Variants in TRAF3 observed in about 807,000 individuals in gnomAD.
The protein encoded by TRAF3 is TNF receptor associated factor 3.
TRAF3 carries 13 observed loss-of-function variants against 62.3 expected under a neutral mutation model. The observed-to-expected ratio is 0.21, with a 90% confidence interval of 0.14 to 0.33. The LOEUF is 0.33. TRAF3 is among the 10% of genes least tolerant of loss of function. The pLI is 1.00. For synonymous variants in TRAF3, 269 were observed against 283.4 expected, an observed-to-expected ratio of 0.95 and a Z score of 0.51; for missense variants, 440 against 741.8, an observed-to-expected ratio of 0.59 and a Z score of 4.73.
At chr14:102,787,828 T>C (rs939062316) in intron 1 of TRAF3, among the ~76,000 whole-genome samples, 3 of 151,212 alleles carry the variant, frequency 2.0e-5, no homozygotes, top group African/African-American at 7.3e-5. Context: ...TTTTTTTCCA[T>C]AGCAGAAAAT....
chr14:102,895,780 G>T (rs1889976131), intron 9 of TRAF3, among the ~76,000 whole-genome samples: 1 of 152,194 alleles, frequency 6.6e-6, no homozygotes, highest in Non-Finnish European at 1.5e-5. Flanking sequence ...CTTTCAGAAA[G>T]ATTTTGGAAA....
chr14:102,889,456 C>A, intron 7 of TRAF3, 104 bp from the exon 8 acceptor site: 1 of 1,191,638 alleles, frequency 8.4e-7, no homozygotes, highest in Non-Finnish European at 1.2e-6. Context: ...TAGCGATAAA[C>A]ACCATTCTTA....
chr14:102,848,447 C>A (rs1189726120), intron 2 of TRAF3, among the ~76,000 whole-genome samples: 1 of 152,088 alleles, frequency 6.6e-6, no homozygotes, highest in Non-Finnish European at 1.5e-5. Flanking sequence ...TAATAATAAT[C>A]TTTCATATGT....
chr14:102,896,898 T>TA (rs1212841620), intron 9 of TRAF3, among the ~76,000 whole-genome samples: 4 of 152,146 alleles, frequency 2.6e-5, no homozygotes, highest in African/African-American at 9.7e-5. Context: ...ACCCTATCTC[T>TA]AAAAAAATTA....
chr14:102,864,998 G>A (rs1887899986), intron 2 of TRAF3, among the ~76,000 whole-genome samples: 2 of 152,192 alleles, frequency 1.3e-5, no homozygotes, highest in Admixed American at 1.3e-4. Context: ...CTCAGGACAG[G>A]ACAGGTAAGT....
At chr14:102,807,379 C>T (rs1308319230) in intron 1 of TRAF3, among the ~76,000 whole-genome samples, 3 of 152,194 alleles carry the variant, frequency 2.0e-5, no homozygotes, top group Non-Finnish European at 2.9e-5. Context: ...CTCTCCATGC[C>T]TGCACCTGGA....
In TRAF3 at chr14:102,858,864, C is replaced by CTATTAAT. The variant is rs1595368690; in HGVS notation, c.-17-11320_-17-11314dup. On this transcript the variant is annotated intron_variant, in intron 2 of 11. Transcript: ENST00000392745. Reference sequence around the variant, plus strand: ...CAAATTTCACCATTGCATTAGTGTACTATTAATGTTAAACCCAATTCTTAA... The same window carrying CTATTAAT: ...CAAATTTCACCATTGCATTAGTGTACTATTAATTATTAATGTTAAACCCAATTCTTAA... Among the ~76,000 whole-genome samples, 5 of 152,238 alleles carry CTATTAAT rather than the reference C, an allele frequency of 3.3e-5. No individual in the cohort carries two copies. The East Asian group carries it at 9.6e-4, about 29-fold the overall frequency.
At chr14:102,872,087 G>A (rs1016833810) in intron 4 of TRAF3, 119 bp downstream of exon 4, 14 of 1,052,194 alleles carry the variant, frequency 1.3e-5, no homozygotes, top group Middle Eastern at 2.0e-4. Flanking sequence ...CAGCTGATGC[G>A]GCAGGCTCCC....
Position 102,908,408 on chromosome 14 carries a change from C to T in TRAF3, c.*2624C>T, listed in dbSNP as rs1890695535. On this transcript the variant is annotated 3_prime_UTR_variant, in exon 12 of 12. Transcript: ENST00000392745. Reference sequence around the variant, plus strand: ...CTCTGTTCTGAGTGTGTCTTCCTCTCATGTACTCAACACAGTGGGCAGCAG... The same window carrying T: ...CTCTGTTCTGAGTGTGTCTTCCTCTTATGTACTCAACACAGTGGGCAGCAG... 1 of 152,462 alleles carries T rather than the reference C, an allele frequency of 6.6e-6. No individual in the cohort carries two copies. The highest frequency in any genetic ancestry group is 2.1e-4 in the South Asian group (1 of 4,844). 9.4% of individuals were successfully genotyped at this position (152,462 alleles called of 1,614,324 possible).
At chr14:102,825,389 G>T (rs1347286155) in intron 1 of TRAF3, among the ~76,000 whole-genome samples, 1 of 152,246 alleles carries the variant, frequency 6.6e-6, no homozygotes, top group Non-Finnish European at 1.5e-5. Flanking sequence ...GAGGCAGTTG[G>T]AAGGGTCCTG....
chr14:102,801,870 G>C (rs569542363), intron 1 of TRAF3, among the ~76,000 whole-genome samples: 27 of 151,506 alleles, frequency 1.8e-4, no homozygotes, highest in Admixed American at 1.4e-3. Flanking sequence ...CAAAAAATTA[G>C]CCGGGCGTGG....
intron 1 of TRAF3, among the ~76,000 whole-genome samples, chr14:102,789,399 G>A (rs1051505200): frequency 3.9e-5 from 6 of 152,078 alleles, no homozygotes; most frequent in African/African-American, 7.2e-5. Context: ...CTGGTCATAC[G>A]GTAATATCGT....
At position 102,908,850 on chromosome 14, in the gene TRAF3, C is replaced by G. The variant is rs534916660; in HGVS notation, c.*3066C>G. On this transcript the variant is annotated 3_prime_UTR_variant, in exon 12 of 12. Coordinates refer to ENST00000392745, the MANE Select transcript of TRAF3 (RefSeq NM_145725.3). ...CGTGGCTCGGGCTGCTCCCTGCTGC[C>G]AGGCACGCTGGTTGGCTGGCCTGGG... 2 of 152,292 alleles carry G rather than the reference C, an allele frequency of 1.3e-5. No individual in the cohort carries two copies. The highest frequency in any genetic ancestry group is 2.9e-5 in the Non-Finnish European group (2 of 68,058). The allele number at this position is 152,292 out of a possible 1,614,324, so 9.4% of individuals were successfully genotyped here. A position where few individuals can be genotyped will look rare whatever the true frequency, so the allele number is the denominator to read the frequency against.
intron 9 of TRAF3, chr14:102,894,931 G>A (rs1469056574): frequency 3.0e-6 from 1 of 335,746 alleles, no homozygotes; most frequent in African/African-American, 2.2e-5. Flanking sequence ...CAATTCCTTG[G>A]GCTCAAGTGG....
intron 2 of TRAF3, among the ~76,000 whole-genome samples, chr14:102,843,213 A>T (rs1023001356): frequency 6.6e-6 from 1 of 151,896 alleles, no homozygotes; most frequent in African/African-American, 2.4e-5. Flanking sequence ...AAAAAAAAAA[A>T]CCCAAAAACA....
In TRAF3 at chr14:102,827,084, G is replaced by A. The variant is rs1900363697; in HGVS notation, c.-156-3250G>A. 2.0e-5 allele frequency among the ~76,000 whole-genome samples: 3 copies of A among 152,344 alleles called. 1 individual carries two copies. The South Asian group carries it at 6.2e-4, about 32-fold the overall frequency. On this transcript the variant is annotated intron_variant, in intron 1 of 11. Coordinates refer to ENST00000392745, the MANE Select transcript of TRAF3 (RefSeq NM_145725.3). The stretch of plus-strand genomic sequence containing the variant: ...CCGCACCTGCTGAGGAATGTGTACA[G>A]CCATCTGGAGGGTGTTCTCCCCCTG...
chr14:102,804,434 T>C (rs1330834619), intron 1 of TRAF3, among the ~76,000 whole-genome samples: 2 of 152,200 alleles, frequency 1.3e-5, no homozygotes, highest in African/African-American at 2.4e-5. Context: ...GGACAGTGGA[T>C]GTGTGACTTG....
intron 7 of TRAF3, 22 bp downstream of exon 7, chr14:102,886,291 C>G (rs780990207): frequency 5.6e-6 from 9 of 1,595,306 alleles, no homozygotes; most frequent in Non-Finnish European, 6.8e-6. Context: ...CGGGCCCGGC[C>G]GGGAGTCTGT....
intron 2 of TRAF3, among the ~76,000 whole-genome samples, chr14:102,847,239 A>G (rs1018725299): frequency 2.4e-4 from 36 of 152,108 alleles, no homozygotes; most frequent in African/African-American, 8.0e-4. Context: ...GGTGTGCATG[A>G]TCTCAGCTCA....
Sources: gnomAD v4.1 joint callset for allele counts (sites outside exome capture counted in the v4.1 genomes callset) on GRCh38, gnomAD v4.1.1 for gene constraint, MANE v1.5 for transcripts, NCBI Gene and HGNC (gene_info 2026-07-23, HGNC 2026-07-21) for gene names.